ARRDC5: variants seen among roughly 807,000 people sequenced by gnomAD.
ARRDC5 encodes arrestin domain-containing protein 5.
A neutral mutation model predicts 13.3 loss-of-function variants in ARRDC5; 12 were observed. The ratio of observed to expected loss-of-function variants is 0.90; its 90% confidence interval spans 0.58 to 1.46. ARRDC5 has a LOEUF of 1.46. Among genes scored for constraint, ARRDC5 ranks in the 40% most tolerant of loss-of-function variants. The pLI, the probability that ARRDC5 is intolerant of heterozygous loss-of-function variation, is 0.00. For synonymous variants in ARRDC5, 181 were observed against 173.4 expected, an observed-to-expected ratio of 1.04 and a Z score of -0.34; for missense variants, 406 against 418.7, an observed-to-expected ratio of 0.97 and a Z score of 0.26.
intron 2 of ARRDC5, among the ~76,000 whole-genome samples, chr19:4,896,359 TTTACACACACACACACACAC>T (rs2031727298): frequency 1.2e-5 from 1 of 82,990 alleles, no homozygotes; most frequent in Non-Finnish European, 2.2e-5. Context: ...TTTTTTTTTT[TTTACACACACACACACACAC>T]ACACACACAC....
the ARRDC5 span, among the ~76,000 whole-genome samples, chr19:4,911,878 C>G: frequency 6.6e-6 from 1 of 152,138 alleles, no homozygotes; most frequent in African/African-American, 2.4e-5. Flanking sequence ...CGGGCGTAGA[C>G]TACTGGAACT....
chr19:4,908,422 G>C, the ARRDC5 span, among the ~76,000 whole-genome samples: 5 of 152,124 alleles, frequency 3.3e-5, no homozygotes, highest in Middle Eastern at 3.4e-3. Context: ...AGTCCTCCCC[G>C]GTGGCCTTCA....
chr19:4,902,783 T>C lies in ARRDC5; in HGVS notation c.43A>G (p.Arg15Gly). The C allele has an allele frequency of 6.2e-7, 1 of 1,613,994 alleles. No individual in the cohort carries two copies. The highest frequency in any genetic ancestry group is 8.5e-7 in the Non-Finnish European group (1 of 1,179,902). Residue 15 changes from arginine to glycine, a missense_variant, in exon 1 of 3, where the codon AGA becomes GGA. Coordinates refer to ENST00000650722, the MANE Select transcript of ARRDC5 (RefSeq NM_001080523.3). ...KSIELVLPED[R>G]IYLAGSSIKG... ...ATGCTGGAGCCAGCCAGGTAGATTCTATCCTCGGGCAGCACTAATTCGATC... is the reference window on the plus strand; with the variant it reads ...ATGCTGGAGCCAGCCAGGTAGATTCCATCCTCGGGCAGCACTAATTCGATC...
At chr19:4,899,089 C>G (rs993697955) in intron 1 of ARRDC5, among the ~76,000 whole-genome samples, 1 of 148,188 alleles carries the variant, frequency 6.7e-6, no homozygotes, top group Non-Finnish European at 1.5e-5. Flanking sequence ...GCGGGCAGAT[C>G]ACGAGGTCAG....
chr19:4,905,241 C>T (rs1177816800), upstream of ARRDC5, among the ~76,000 whole-genome samples: 11 of 150,440 alleles, frequency 7.3e-5, no homozygotes, highest in Admixed American at 2.7e-4. Flanking sequence ...CTCAGCCTCC[C>T]GAGTAGCTGG....
the ARRDC5 span, chr19:4,909,585 A>G: frequency 3.1e-6 from 2 of 652,722 alleles, no homozygotes; most frequent in South Asian, 1.6e-5. Flanking sequence ...CGGGCCACGC[A>G]CGCGGTTTCA....
At chr19:4,896,607 A>C in intron 2 of ARRDC5, 64 bp downstream of exon 2, 2 of 1,296,566 alleles carry the variant, frequency 1.5e-6, no homozygotes, top group Non-Finnish European at 2.2e-6. Context: ...CTGCCTGCCC[A>C]CCTTCCCTCT....
At chr19:4,908,164 A>G in the ARRDC5 span, among the ~76,000 whole-genome samples, 2 of 152,164 alleles carry the variant, frequency 1.3e-5, no homozygotes, top group Non-Finnish European at 2.9e-5. Flanking sequence ...TCATTAACTG[A>G]ATCACACCTG....
intron 1 of ARRDC5, among the ~76,000 whole-genome samples, chr19:4,898,925 C>G (rs369925621): frequency 6.6e-6 from 1 of 151,936 alleles, no homozygotes. Flanking sequence ...CGTGCCCGGC[C>G]CAGGCTGTGT....
At position 4,894,510 on chromosome 19, in the gene ARRDC5, CAAAAAAA is replaced by C. The variant is rs575777769; in HGVS notation, c.459+2154_459+2160del. The stretch of plus-strand genomic sequence containing the variant: ...TGGGCGACAGAGCGAGACTCCGTCT[CAAAAAAA>C]AAAAAAAAAAAAAAAAATTAGCCGG... On this transcript the variant is annotated intron_variant, in intron 2 of 2. Coordinates refer to ENST00000650722, the MANE Select transcript of ARRDC5 (RefSeq NM_001080523.3). 8.8e-4 allele frequency among the ~76,000 whole-genome samples: 24 copies of C among 27,224 alleles called. 2 individuals carry two copies. The highest frequency in any genetic ancestry group is 2.2e-3 in the Admixed American group (3 of 1,380). The allele number at this position is 27,224 out of a possible 152,430, so 17.9% of individuals were successfully genotyped here. A position where few individuals can be genotyped will look rare whatever the true frequency, so the allele number is the denominator to read the frequency against.
intron 2 of ARRDC5, among the ~76,000 whole-genome samples, chr19:4,894,906 C>T (rs925760060): frequency 1.9e-4 from 29 of 152,072 alleles, no homozygotes; most frequent in Admixed American, 6.6e-4. Context: ...TGGAGCTCCC[C>T]CTCCTCTCCT....
the ARRDC5 span, among the ~76,000 whole-genome samples, chr19:4,915,199 A>G: frequency 8.5e-5 from 13 of 152,178 alleles, no homozygotes; most frequent in African/African-American, 3.1e-4. Context: ...AGGTGTCCCC[A>G]CTGGACGGCC....
chr19:4,913,824 TTTTTTG>T, the ARRDC5 span, among the ~76,000 whole-genome samples: 5 of 126,548 alleles, frequency 4.0e-5, no homozygotes, highest in Non-Finnish European at 6.7e-5. Context: ...TTTTTTTTTT[TTTTTTG>T]GAGACAGTTT....
At chr19:4,896,247 G>A (rs8100096) in intron 2 of ARRDC5, among the ~76,000 whole-genome samples, 22,921 of 137,470 alleles carry the variant, frequency 0.17, 2,398 homozygotes, top group Non-Finnish European at 0.25. Flanking sequence ...CCTGGGAGGC[G>A]GAGGTTACAG....
At chr19:4,903,147 C>T (rs1009366165), upstream of ARRDC5, 1 of 323,292 alleles carries the variant, frequency 3.1e-6, no homozygotes, top group Non-Finnish European at 6.0e-6. Context: ...CTGCCTCAGC[C>T]TCCTGAGTAG....
upstream of ARRDC5, chr19:4,903,145 G>A (rs1662495870): frequency 6.1e-6 from 2 of 327,050 alleles, no homozygotes; most frequent in Admixed American, 8.7e-5. Flanking sequence ...TCCTGCCTCA[G>A]CCTCCTGAGT....
chr19:4,909,376 G>GC, the ARRDC5 span: 1 of 609,516 alleles, frequency 1.6e-6, no homozygotes, highest in Admixed American at 2.7e-5. Flanking sequence ...AGGCGGGGGC[G>GC]CCCCCCACCC....
chr19:4,896,315 A>C (rs2031710389), intron 2 of ARRDC5, among the ~76,000 whole-genome samples: 1 of 9,638 alleles, frequency 1.0e-4, no homozygotes, highest in Non-Finnish European at 1.8e-4. Flanking sequence ...CTGCATCTCA[A>C]AAAAAAAAAA....
chr19:4,905,126 T>C (rs1376693521), upstream of ARRDC5, among the ~76,000 whole-genome samples: 9 of 143,818 alleles, frequency 6.3e-5, no homozygotes, highest in Admixed American at 3.5e-4. Flanking sequence ...TTTTTTTTTT[T>C]TTTTTTTTGA....
Sources: gnomAD v4.1 joint callset for allele counts (sites outside exome capture counted in the v4.1 genomes callset) on GRCh38, gnomAD v4.1.1 for gene constraint, MANE v1.5 for transcripts, NCBI Gene and HGNC (gene_info 2026-07-23, HGNC 2026-07-21) for gene names.